The following SYCP1 variants were observed in gnomAD, a reference collection of about 807,000 sequenced individuals.
The protein encoded by SYCP1 is cancer/testis antigen 8.
SYCP1 carries 64 observed loss-of-function variants against 153.1 expected under a neutral mutation model. The observed-to-expected ratio is 0.42, with a 90% CI of 0.34 to 0.51. The LOEUF (loss-of-function observed/expected upper bound fraction) is 0.51, where lower values mean the gene tolerates loss of function less well. Among genes scored for constraint, SYCP1 ranks in the 20% least tolerant of loss-of-function variants. SYCP1 has a pLI of 0.06. For synonymous variants in SYCP1, 384 were observed against 341.8 expected (o/e 1.12, Z -1.36); for missense variants, 997 against 1,049.0 (o/e 0.95, Z 0.68).
chr1:114,950,175 A>C lies in SYCP1; in HGVS notation c.2322+2855A>C, dbSNP rs144135296. Among the ~76,000 whole-genome samples the C allele has an allele frequency of 4.4e-3, 668 of 152,326 alleles. 4 individuals carry two copies. The highest frequency in any genetic ancestry group is 0.011 in the South Asian group (55 of 4,830). ...GGCTTTTCTGAGAGGATGCTTTAAG[A>C]GACACCACATCGTCTTCCCAGCCTC... On this transcript the variant is annotated intron_variant, in intron 27 of 31. Transcript: ENST00000369522.
chr1:114,892,138 C>G (rs570590557), intron 15 of SYCP1, among the ~76,000 whole-genome samples: 40 of 152,118 alleles, frequency 2.6e-4, no homozygotes, highest in African/African-American at 9.6e-4. Flanking sequence ...TCCCTAGGCT[C>G]TTGGACAGTG....
intron 30 of SYCP1, among the ~76,000 whole-genome samples, chr1:114,985,467 C>G (rs1557853784): frequency 6.6e-6 from 1 of 151,840 alleles, no homozygotes; most frequent in Non-Finnish European, 1.5e-5. Context: ...AATAATGAAG[C>G]TTAGATTCAT....
intron 8 of SYCP1, among the ~76,000 whole-genome samples, chr1:114,872,279 ATT>A (rs558153455): frequency 6.6e-6 from 1 of 152,168 alleles, no homozygotes; most frequent in Non-Finnish European, 1.5e-5. Flanking sequence ...CAAAGAAAGT[ATT>A]TATTTCTTCA....
At chr1:114,935,704 A>C (rs1218796805) in intron 23 of SYCP1, among the ~76,000 whole-genome samples, 4 of 152,204 alleles carry the variant, frequency 2.6e-5, no homozygotes, top group African/African-American at 9.6e-5. Flanking sequence ...AGATGCAATA[A>C]AAAATGATAA....
At chr1:114,858,766 G>A in intron 6 of SYCP1, 55 bp downstream of exon 6, 1 of 1,385,352 alleles carries the variant, frequency 7.2e-7, no homozygotes, top group Admixed American at 2.1e-5. Flanking sequence ...TCATAATACT[G>A]TTGAAAGTAG....
chr1:114,937,195 A>G (rs940819110), intron 23 of SYCP1, among the ~76,000 whole-genome samples: 6 of 152,020 alleles, frequency 3.9e-5, no homozygotes, highest in Admixed American at 3.3e-4. Context: ...ACCAAAACAG[A>G]GATATAGACC....
At chr1:114,863,973 G>A (rs986751946) in intron 8 of SYCP1, among the ~76,000 whole-genome samples, 1 of 151,456 alleles carries the variant, frequency 6.6e-6, no homozygotes, top group African/African-American at 2.4e-5. Flanking sequence ...GGCCTGTTGG[G>A]GGGTGGGGGG....
At chr1:114,971,292 G>T (rs538768104) in intron 27 of SYCP1, among the ~76,000 whole-genome samples, 1 of 152,264 alleles carries the variant, frequency 6.6e-6, no homozygotes, top group Admixed American at 6.5e-5. Context: ...CCACTGTGAG[G>T]GGTGGGGTAG....
At chr1:114,982,281 G>C (rs1673207383) in intron 29 of SYCP1, among the ~76,000 whole-genome samples, 1 of 151,916 alleles carries the variant, frequency 6.6e-6, no homozygotes, top group South Asian at 2.1e-4. Flanking sequence ...TGCCTCACTT[G>C]TCTTGGGAGT....
rs537709021 is a variant in SYCP1, at chr1:114,917,606, T to C, written c.1718+3561T>C. Reference sequence around the variant, plus strand: ...AATTTACATTCCCACCAGCAGTGTATGAGGGTTTCCTTTTTCTCTGCATCC... The same window carrying C: ...AATTTACATTCCCACCAGCAGTGTACGAGGGTTTCCTTTTTCTCTGCATCC... On this transcript the variant is annotated intron_variant, in intron 20 of 31. Transcript: ENST00000369522. Among the ~76,000 whole-genome samples the C allele has an allele frequency of 5.3e-5, 8 of 152,262 alleles. No homozygotes were observed. The East Asian group carries it at 1.5e-3, about 29-fold the overall frequency.
intron 27 of SYCP1, among the ~76,000 whole-genome samples, chr1:114,956,496 C>T (rs1246332272): frequency 6.6e-6 from 1 of 152,192 alleles, no homozygotes; most frequent in Non-Finnish European, 1.5e-5. Flanking sequence ...AGATTAGGCT[C>T]TTCAGCCTCC....
intron 27 of SYCP1, among the ~76,000 whole-genome samples, chr1:114,949,010 C>T (rs1670923780): frequency 6.6e-6 from 1 of 152,080 alleles, no homozygotes; most frequent in Non-Finnish European, 1.5e-5. Flanking sequence ...ACATTTTTCT[C>T]AGGGAAGGTT....
chr1:114,953,490 T>G (rs1022378969), intron 27 of SYCP1, among the ~76,000 whole-genome samples: 13 of 152,254 alleles, frequency 8.5e-5, no homozygotes, highest in Admixed American at 8.5e-4. Context: ...TTAATTGTTA[T>G]ATAAAGCGTG....
intron 27 of SYCP1, among the ~76,000 whole-genome samples, chr1:114,950,034 G>A (rs1670991527): frequency 6.6e-6 from 1 of 152,154 alleles, no homozygotes; most frequent in South Asian, 2.1e-4. Flanking sequence ...TATTCAAAAT[G>A]TATGCTGCCC....
intron 9 of SYCP1, 50 bp downstream of exon 9, chr1:114,874,614 A>T: frequency 1.8e-6 from 2 of 1,139,010 alleles, no homozygotes; most frequent in Non-Finnish European, 2.5e-6. Flanking sequence ...TTTCTGAGCA[A>T]ATTAGAGCGA....
chr1:114,989,651 C>T lies in SYCP1; in HGVS notation c.2703+4783C>T, dbSNP rs920001573. ...GATCCAAAGCCACAAATTGATAAAA[C>T]GTGAAAGAATGGAAAAAGATATTCT... On this transcript the variant is annotated intron_variant, in intron 30 of 31. Transcript: ENST00000369522. 9.9e-5 allele frequency among the ~76,000 whole-genome samples: 15 copies of T among 151,844 alleles called. No individual in the cohort carries two copies. In the East Asian group the frequency reaches 1.8e-3, roughly 18 times the overall value.
intron 16 of SYCP1, among the ~76,000 whole-genome samples, chr1:114,908,104 G>C (rs1667933803): frequency 6.6e-6 from 1 of 151,348 alleles, no homozygotes; most frequent in Admixed American, 6.6e-5. Context: ...ATTTCTTGTA[G>C]TGCAGTTTTG....
At chr1:114,900,892 T>C (rs918643184) in intron 16 of SYCP1, among the ~76,000 whole-genome samples, 1 of 152,238 alleles carries the variant, frequency 6.6e-6, no homozygotes, top group Admixed American at 6.5e-5. Flanking sequence ...CATAATTTAG[T>C]CCACCTATTT....
rs769737246 is a variant in SYCP1, at chr1:114,910,501, GGTTT to G, written c.1425+5_1425+8del. 6.5e-7 allele frequency: 1 copy of G among 1,533,046 alleles called. No homozygotes were observed. Among genetic ancestry groups the G allele is most frequent in the African/African-American group, 1.4e-5 (1 of 70,918 alleles). 95.0% of individuals were successfully genotyped at this position (1,533,046 alleles called of 1,614,324 possible). ...TAATTGGTCTTCTCCAAGCCAGAGA[GGTTT>G]GTTTAAGGAAACATTTTTATTTTAA... On this transcript the variant is annotated splice_donor_variant and splice_donor_region_variant and intron_variant, in intron 17 of 31. Coordinates refer to ENST00000369522, the MANE Select transcript of SYCP1 (RefSeq NM_003176.4). LOFTEE classifies it high-confidence loss of function.
Sources: allele counts gnomAD v4.1 joint callset (sites outside exome capture counted in the v4.1 genomes callset), GRCh38; gene constraint gnomAD v4.1.1; transcripts MANE v1.5; gene names NCBI Gene and HGNC (gene_info 2026-07-23, HGNC 2026-07-21).